The following DCC variants were observed in gnomAD, a reference collection of about 807,000 sequenced individuals.
The protein encoded by DCC is DCC netrin 1 receptor.
DCC carries 58 observed loss-of-function variants against 172.5 expected under a neutral mutation model. The observed-to-expected ratio is 0.34, with a 90% CI of 0.27 to 0.42. The LOEUF is 0.42. DCC is among the 10% of genes least tolerant of loss of function. The pLI is 1.00. For missense variants in DCC, 1,740 were observed against 1,791.0 expected (o/e 0.97, Z 0.51); for synonymous variants, 709 against 644.5 (o/e 1.10, Z -1.52).
intron 14 of DCC, among the ~76,000 whole-genome samples, chr18:53,339,395 C>G (rs937121811): frequency 1.3e-5 from 2 of 151,936 alleles, no homozygotes; most frequent in Non-Finnish European, 2.9e-5. Flanking sequence ...TGGTTTTCAC[C>G]CTTCATTAAT....
At chr18:52,714,170 C>A (rs1356192755) in intron 1 of DCC, among the ~76,000 whole-genome samples, 1 of 152,142 alleles carries the variant, frequency 6.6e-6, no homozygotes, top group African/African-American at 2.4e-5. Flanking sequence ...TAGTAAGAAG[C>A]AGAACAAAGA....
intron 5 of DCC, among the ~76,000 whole-genome samples, chr18:52,926,900 T>G (rs1477556594): frequency 9.9e-6 from 1 of 101,446 alleles, no homozygotes; most frequent in Non-Finnish European, 2.1e-5. Context: ...CATACATATG[T>G]GTGTATATAT....
intron 2 of DCC, among the ~76,000 whole-genome samples, chr18:52,840,845 C>T (rs2038792101): frequency 6.6e-6 from 1 of 152,092 alleles, no homozygotes; most frequent in African/African-American, 2.4e-5. Flanking sequence ...GCAGGAAACA[C>T]AGCAGTGAAC....
intron 1 of DCC, among the ~76,000 whole-genome samples, chr18:52,639,195 T>C (rs1313139478): frequency 6.6e-6 from 1 of 152,008 alleles, no homozygotes; most frequent in Non-Finnish European, 1.5e-5. Flanking sequence ...CCTAAATACC[T>C]ACATCAGAAA....
chr18:52,444,692 A>T (rs1359511343), intron 1 of DCC, among the ~76,000 whole-genome samples: 1 of 152,174 alleles, frequency 6.6e-6, no homozygotes, highest in Non-Finnish European at 1.5e-5. Flanking sequence ...TTCTCCTGTG[A>T]TCTATTGTTT....
chr18:52,930,511 C>T (rs1239560704), intron 5 of DCC, among the ~76,000 whole-genome samples: 1 of 152,144 alleles, frequency 6.6e-6, no homozygotes, highest in Non-Finnish European at 1.5e-5. Context: ...AAAAGTATCC[C>T]AGAAATACTT....
intron 12 of DCC, among the ~76,000 whole-genome samples, chr18:53,256,240 G>T (rs555576014): frequency 9.1e-4 from 139 of 152,202 alleles, no homozygotes; most frequent in African/African-American, 3.2e-3. Flanking sequence ...TGTCAATTTT[G>T]GCTTTTGTTG....
At chr18:53,350,740 G>T (rs2057782104) in intron 15 of DCC, among the ~76,000 whole-genome samples, 1 of 152,010 alleles carries the variant, frequency 6.6e-6, no homozygotes, top group Non-Finnish European at 1.5e-5. Flanking sequence ...TTCAAGAGCT[G>T]TAAATGTCAA....
intron 1 of DCC, among the ~76,000 whole-genome samples, chr18:52,436,646 A>G (rs997030451): frequency 1.2e-4 from 18 of 152,192 alleles, no homozygotes; most frequent in African/African-American, 4.1e-4. Context: ...GGTGGCTCAC[A>G]CCTGTAATTC....
chr18:53,025,974 G>A (rs184031696), intron 5 of DCC, among the ~76,000 whole-genome samples: 387 of 151,918 alleles, frequency 2.5e-3, no homozygotes, highest in Admixed American at 3.9e-3. Flanking sequence ...TTCATAATTA[G>A]AATAATTCCC....
At chr18:52,353,534 G>T (rs1171043271) in intron 1 of DCC, among the ~76,000 whole-genome samples, 2 of 152,178 alleles carry the variant, frequency 1.3e-5, no homozygotes, top group African/African-American at 4.8e-5. Context: ...TTTGATTGGG[G>T]ATGGTCTTCA....
chr18:53,061,483 G>A (rs1402482688), intron 5 of DCC, among the ~76,000 whole-genome samples: 1 of 152,058 alleles, frequency 6.6e-6, no homozygotes, highest in Non-Finnish European at 1.5e-5. Context: ...GAAACAGAAA[G>A]GATGGATAGA....
intron 19 of DCC, among the ~76,000 whole-genome samples, chr18:53,405,043 CTG>C (rs1909572877): frequency 6.6e-6 from 1 of 152,140 alleles, no homozygotes. Context: ...AAGAGAATTT[CTG>C]TGTCATGTGT....
At chr18:52,965,992 G>C (rs116708859) in intron 5 of DCC, among the ~76,000 whole-genome samples, 1 of 152,166 alleles carries the variant, frequency 6.6e-6, no homozygotes, top group Admixed American at 6.5e-5. Flanking sequence ...ACTTGGCTCT[G>C]TGGGGACCCA....
Position 52,819,555 on chromosome 18 carries a change from C to T in DCC, c.412+67181C>T, listed in dbSNP as rs113288634. 4.5e-3 allele frequency among the ~76,000 whole-genome samples: 683 copies of T among 152,198 alleles called. 3 individuals are homozygous for T. Among genetic ancestry groups the T allele is most frequent in the African/African-American group, 0.015 (629 of 41,530 alleles). On this transcript the variant is annotated intron_variant, in intron 2 of 28. Coordinates refer to ENST00000442544, the MANE Select transcript of DCC (RefSeq NM_005215.4). ...TTAAATGGGACCACTTTGTATGGTG[C>T]AGTTTAAGAGACCATGTGTTTTTGT...
intron 9 of DCC, among the ~76,000 whole-genome samples, chr18:53,194,290 G>T (rs9954922): frequency 0.044 from 6,722 of 152,060 alleles, 183 homozygotes; most frequent in East Asian, 0.11. Context: ...ATCAATTTAT[G>T]GTTTGTAGAG....
chr18:52,689,197 C>G (rs2035889925), intron 1 of DCC, among the ~76,000 whole-genome samples: 1 of 152,038 alleles, frequency 6.6e-6, no homozygotes, highest in South Asian at 2.1e-4. Flanking sequence ...TCTGTTGGAG[C>G]CATATGACTA....
intron 12 of DCC, among the ~76,000 whole-genome samples, chr18:53,258,381 T>C (rs1449587064): frequency 6.6e-6 from 1 of 152,154 alleles, no homozygotes; most frequent in Non-Finnish European, 1.5e-5. Context: ...ACACTGCTTT[T>C]AATGTGTCCC....
At chr18:53,194,838 CTA>C (rs780157473) in intron 9 of DCC, among the ~76,000 whole-genome samples, 10 of 152,164 alleles carry the variant, frequency 6.6e-5, no homozygotes, top group Non-Finnish European at 1.2e-4. Flanking sequence ...CTATGGAATG[CTA>C]TGTTTTCCAT....
Sources: allele counts gnomAD v4.1 joint callset (sites outside exome capture counted in the v4.1 genomes callset), GRCh38; gene constraint gnomAD v4.1.1; transcripts MANE v1.5; gene names NCBI Gene and HGNC (gene_info 2026-07-23, HGNC 2026-07-21).